Variants in ITPRID2 observed in about 807,000 individuals in gnomAD.
ITPRID2 encodes the protein protein ITPRID2.
In ITPRID2, 60 loss-of-function variants were observed where a neutral mutation model predicts 124.3. That is an observed-to-expected ratio of 0.48 (90% CI 0.39 to 0.60). ITPRID2 has a LOEUF of 0.60. Ranked by LOEUF, ITPRID2 falls within the 20% of genes least tolerant of loss-of-function variation. The probability of loss-of-function intolerance (pLI) is 0.00; values close to 1 mark genes in which losing one functional copy is unlikely to be tolerated. For missense variants in ITPRID2, 1,553 were observed against 1,512.2 expected, an observed-to-expected ratio of 1.03 and a Z score of -0.45; for synonymous variants, 521 against 542.9, an observed-to-expected ratio of 0.96 and a Z score of 0.56.
chr2:181,892,487 G>T lies in ITPRID2; in HGVS notation c.212-128G>T. ...GGTGCCATCCGATTTCCCTGCCAAGGGACACTGAGACGTGTCGCTTAGGCT... is the reference window on the plus strand; with the variant it reads ...GGTGCCATCCGATTTCCCTGCCAAGTGACACTGAGACGTGTCGCTTAGGCT... On this transcript the variant is annotated intron_variant, in intron 1 of 17. Coordinates refer to ENST00000431877, the MANE Select transcript of ITPRID2 (RefSeq NM_001130445.3). This position sits in a 1 kb window ranked among gnomAD's most constrained non-coding sequence, Gnocchi z 5.2. 3 of 1,275,784 alleles carry T rather than the reference G, an allele frequency of 2.4e-6. No homozygotes were observed. Among genetic ancestry groups the T allele is most frequent in the African/African-American group, 1.5e-5 (1 of 67,876 alleles). 79.0% of individuals were successfully genotyped at this position (1,275,784 alleles called of 1,614,324 possible). A position where few individuals can be genotyped will look rare whatever the true frequency, so the allele number is the denominator to read the frequency against.
intron 16 of ITPRID2, among the ~76,000 whole-genome samples, chr2:181,926,586 G>A (rs1039896074): frequency 6.6e-6 from 1 of 151,860 alleles, no homozygotes; most frequent in South Asian, 2.1e-4. Flanking sequence ...GGTGGCGGGT[G>A]CCTGTAGTCC....
Position 181,891,928 on chromosome 2 carries a change from T to A in ITPRID2, c.-139T>A. ...TCCCTCCCTCCCTGTCCCCTCCTCCTCCTCCTCCTCCTCCGGCGCCCGCTT... is the reference window on the plus strand; with the variant it reads ...TCCCTCCCTCCCTGTCCCCTCCTCCACCTCCTCCTCCTCCGGCGCCCGCTT... On this transcript the variant is annotated 5_prime_UTR_variant, in exon 1 of 18. Coordinates refer to ENST00000431877, the MANE Select transcript of ITPRID2 (RefSeq NM_001130445.3). The A allele has an allele frequency of 2.1e-5, 7 of 332,090 alleles. No individual in the cohort carries two copies. Among genetic ancestry groups the A allele is most frequent in the East Asian group, 1.1e-4 (1 of 8,972 alleles). The allele number at this position is 332,090 out of a possible 1,614,324, so 20.6% of individuals were successfully genotyped here. A position where few individuals can be genotyped will look rare whatever the true frequency, so the allele number is the denominator to read the frequency against.
chr2:181,916,636 C>A (rs899546839), intron 11 of ITPRID2: 1 of 783,694 alleles, frequency 1.3e-6, no homozygotes. Context: ...AAGTCGATTT[C>A]TCTGCTCACA....
Position 181,918,823 on chromosome 2 carries a change from A to C in ITPRID2, c.2934A>C (p.Leu978Phe). The change falls in exon 13 of 18, where the codon TTA becomes TTC. Residue 978 changes from leucine to phenylalanine, a missense_variant. Transcript: ENST00000431877. ...LNLFRTQMMD[L>F]ELAMLRQQTM... ...TGTTTAGAACACAAATGATGGATTT[A>C]GAATTGGCAATGCTGCGTCAGCAAA... is the stretch of plus-strand genomic sequence containing the variant. 1 of 1,614,212 alleles carries C rather than the reference A, an allele frequency of 6.2e-7. No individual in the cohort carries two copies. Among genetic ancestry groups the C allele is most frequent in the South Asian group, 1.1e-5 (1 of 91,090 alleles).
chr2:181,922,419 A>G lies in ITPRID2; in HGVS notation c.3675+7A>G, dbSNP rs368093407. On this transcript the variant is annotated splice_region_variant and intron_variant, in intron 16 of 17. Transcript: ENST00000431877. ...GCAGCAAGTCATACGGGAGGTGGGT[A>G]AAATCTGTGTTTCATTCATTTATTT... The G allele has an allele frequency of 7.8e-5, 125 of 1,593,408 alleles. No homozygotes were observed. Among genetic ancestry groups the G allele is most frequent in the Non-Finnish European group, 1.0e-4 (119 of 1,169,130 alleles).
Position 181,918,758 on chromosome 2 carries a change from A to T in ITPRID2, c.2869A>T (p.Thr957Ser), listed in dbSNP as rs761872540. 4.8e-5 allele frequency: 77 copies of T among 1,613,778 alleles called. No homozygotes were observed. In the East Asian group the frequency reaches 1.7e-3, roughly 36 times the overall value. Residue 957 changes from threonine (T) to serine (S), a missense_variant, in exon 13 of 18, where the codon ACT becomes TCT. Transcript: ENST00000431877. Reference protein sequence around the residue: ...KSSVLPLYENTFQELQVMRRS... With the variant: ...KSSVLPLYENSFQELQVMRRS... ...ATTTTGTTATATTGCATTCTAGAAT[A>T]CTTTTCAGGAGCTCCAGGTAATGAG...
intron 11 of ITPRID2, 197 bp from the exon 12 acceptor site, chr2:181,918,401 T>C (rs1694238863): frequency 1.5e-6 from 2 of 1,369,454 alleles, no homozygotes; most frequent in South Asian, 2.0e-5. Context: ...GATTGACTTA[T>C]ACCTGGAACA....
chr2:181,908,080 AGGTGAGCAGCCGGGTGCGGC>A (rs1254991032), intron 8 of ITPRID2, among the ~76,000 whole-genome samples: 1 of 152,210 alleles, frequency 6.6e-6, no homozygotes, highest in Non-Finnish European at 1.5e-5. Context: ...CTGTGTTTAA[AGGTGAGCAGCCGGGTGCGGC>A]GGCTCACACC....
chr2:181,923,601 G>T lies in ITPRID2; in HGVS notation c.3675+1189G>T, dbSNP rs145272280. The stretch of plus-strand genomic sequence containing the variant: ...TCCTGTTTACATGTTTTATATCAAA[G>T]ATTAGTTTTTGAGTGAAATTATGTA... On this transcript the variant is annotated intron_variant, in intron 16 of 17. Coordinates refer to ENST00000431877, the MANE Select transcript of ITPRID2 (RefSeq NM_001130445.3). Among the ~76,000 whole-genome samples the T allele has an allele frequency of 3.3e-4, 50 of 152,198 alleles. No homozygotes were observed. In the East Asian group the frequency reaches 7.9e-3, roughly 24 times the overall value.
rs560344427 is a variant in ITPRID2 at position 181,921,942 on chromosome 2, C to T, written c.3211-6C>T. 6.1e-5 allele frequency: 98 copies of T among 1,608,944 alleles called. 1 individual carries two copies. In the South Asian group the frequency reaches 9.7e-4, roughly 16 times the overall value. On this transcript the variant is annotated splice_polypyrimidine_tract_variant and splice_region_variant and intron_variant, in intron 15 of 17. Transcript: ENST00000431877. ...GAGAAGAATAACATTTTTTTATGAT[C>T]TCCAGGTCACTGAACTGATGCAGGA...
intron 11 of ITPRID2, 34 bp from the exon 12 acceptor site, chr2:181,918,564 C>T: frequency 6.2e-7 from 1 of 1,610,320 alleles, no homozygotes; most frequent in Non-Finnish European, 8.5e-7. Context: ...TTCACTTTAA[C>T]ATTGGTTTTA....
At position 181,928,287 on chromosome 2, in the gene ITPRID2, T is replaced by C; in HGVS notation, c.*13+9T>C. On this transcript the variant is annotated intron_variant, in intron 17 of 17. Transcript: ENST00000431877. ...TTAAACAGAAATTATAGGTAAATTT[T>C]TCTGAGTTTCTTTGTTGAGCTAAAT... is the stretch of plus-strand genomic sequence containing the variant. The C allele has an allele frequency of 6.8e-7, 1 of 1,470,180 alleles. No homozygotes were observed. The highest frequency in any genetic ancestry group is 9.2e-7 in the Non-Finnish European group (1 of 1,085,326). 91.1% of individuals were successfully genotyped at this position (1,470,180 alleles called of 1,614,324 possible). A position where few individuals can be genotyped will look rare whatever the true frequency, so the allele number is the denominator to read the frequency against.
Position 181,902,317 on chromosome 2 carries a change from A to C in ITPRID2, c.1264A>C (p.Asn422His). Residue 422 changes from asparagine (N) to histidine (H), a missense_variant, in exon 8 of 18, where the codon AAC becomes CAC. Transcript: ENST00000431877. The surrounding 1 kb of genome is among the most constrained non-coding windows in gnomAD (Gnocchi z 4.4). ...IVESKLDSDFNISSHSELENS... is the reference protein window; with the variant it reads ...IVESKLDSDFHISSHSELENS... ...AGAATCCAAATTAGATAGTGATTTC[A>C]ACATATCCAGCCACAGTGAGCTGGA... The C allele has an allele frequency of 6.2e-7, 1 of 1,613,996 alleles. No homozygotes were observed. The highest frequency in any genetic ancestry group is 2.2e-5 in the East Asian group (1 of 44,866).
At position 181,910,564 on chromosome 2, in the gene ITPRID2, T is replaced by C. The variant is rs1693520019; in HGVS notation, c.1486+593T>C. Reference sequence around the variant, plus strand: ...AACAACAACAAAAATGTGTGATCTTTGGATTTACAAAACTTTTGAGCTTTA... The same window carrying C: ...AACAACAACAAAAATGTGTGATCTTCGGATTTACAAAACTTTTGAGCTTTA... On this transcript the variant is annotated intron_variant, in intron 9 of 17. Coordinates refer to ENST00000431877, the MANE Select transcript of ITPRID2 (RefSeq NM_001130445.3). The surrounding 1 kb of genome is among the most constrained non-coding windows in gnomAD (Gnocchi z 4.1). 4 of 689,032 alleles carry C rather than the reference T, an allele frequency of 5.8e-6. No homozygotes were observed. Among genetic ancestry groups the C allele is most frequent in the Admixed American group, 4.6e-5 (2 of 43,676 alleles). 42.7% of individuals were successfully genotyped at this position (689,032 alleles called of 1,614,324 possible).
Position 181,923,843 on chromosome 2 carries a change from T to C in ITPRID2, c.3675+1431T>C, listed in dbSNP as rs1574304186. 3.9e-5 allele frequency among the ~76,000 whole-genome samples: 6 copies of C among 152,276 alleles called. No homozygotes were observed. In the East Asian group the frequency reaches 1.2e-3, roughly 29 times the overall value. ...TTAATGGCCTGATATGTCCTGTAGGTGATTTCCTAAGAATAAAGTGTTCAT... is the reference window on the plus strand; with the variant it reads ...TTAATGGCCTGATATGTCCTGTAGGCGATTTCCTAAGAATAAAGTGTTCAT... On this transcript the variant is annotated intron_variant, in intron 16 of 17. Coordinates refer to ENST00000431877, the MANE Select transcript of ITPRID2 (RefSeq NM_001130445.3).
chr2:181,892,320 G>A lies in ITPRID2; in HGVS notation c.211+43G>A. 6.6e-7 allele frequency: 1 copy of A among 1,510,696 alleles called. No homozygotes were observed. Among genetic ancestry groups the A allele is most frequent in the Non-Finnish European group, 8.9e-7 (1 of 1,128,550 alleles). The allele number at this position is 1,510,696 out of a possible 1,614,324, so 93.6% of individuals were successfully genotyped here. A position where few individuals can be genotyped will look rare whatever the true frequency, so the allele number is the denominator to read the frequency against. ...GGCTCCGGGGGGAGGCTGGTGGGCT[G>A]GGGAGAGTCTCGTGCGCCCTGGGCG... is the stretch of plus-strand genomic sequence containing the variant. On this transcript the variant is annotated intron_variant, in intron 1 of 17. Coordinates refer to ENST00000431877, the MANE Select transcript of ITPRID2 (RefSeq NM_001130445.3). This position sits in a 1 kb window ranked among gnomAD's most constrained non-coding sequence, Gnocchi z 5.2.
chr2:181,917,000 A>G (rs140422695), intron 11 of ITPRID2: 1 of 985,680 alleles, frequency 1.0e-6, no homozygotes, highest in East Asian at 1.1e-4. Flanking sequence ...GAAAATAACA[A>G]ATCAGGTAAA....
chr2:181,925,400 C>A (rs1166572849), intron 16 of ITPRID2, among the ~76,000 whole-genome samples: 4 of 152,174 alleles, frequency 2.6e-5, no homozygotes, highest in African/African-American at 9.7e-5. Flanking sequence ...AGTTTCCTCA[C>A]TTCTAATCCT....
At chr2:181,927,558 A>G (rs1168969482) in intron 16 of ITPRID2, among the ~76,000 whole-genome samples, 1 of 152,206 alleles carries the variant, frequency 6.6e-6, no homozygotes, top group African/African-American at 2.4e-5. Context: ...CAGTGATACC[A>G]TGCAACTAAA....
Sources: allele counts gnomAD v4.1 joint callset (sites outside exome capture counted in the v4.1 genomes callset), GRCh38; gene constraint gnomAD v4.1.1; non-coding constraint Gnocchi (gnomAD v3.1); transcripts MANE v1.5; gene names NCBI Gene and HGNC (gene_info 2026-07-23, HGNC 2026-07-21).